LAMA1: variants seen among roughly 807,000 people sequenced by gnomAD.
LAMA1 encodes laminin subunit alpha-1.
In LAMA1, 219 loss-of-function variants were observed where a neutral mutation model predicts 348.7. That is an observed-to-expected ratio of 0.63 (90% confidence interval 0.56 to 0.70). LAMA1 has a LOEUF of 0.70. LAMA1 is among the 30% of genes least tolerant of loss of function. The pLI is 0.00. For synonymous variants in LAMA1, 1,487 were observed against 1,491.0 expected (o/e 1.00, Z 0.06); for missense variants, 3,744 against 3,888.0 (o/e 0.96, Z 0.99).
At chr18:6,989,613 G>A (rs2057749945) in intron 36 of LAMA1, among the ~76,000 whole-genome samples, 1 of 152,052 alleles carries the variant, frequency 6.6e-6, no homozygotes, top group African/African-American at 2.4e-5. Flanking sequence ...TAAAATAAAA[G>A]GTCTCTTTAG....
intron 36 of LAMA1, among the ~76,000 whole-genome samples, chr18:6,988,148 A>G (rs1006946404): frequency 6.6e-6 from 1 of 152,130 alleles, no homozygotes; most frequent in Non-Finnish European, 1.5e-5. Context: ...AACAGAGGCC[A>G]AATTTTCATC....
intron 12 of LAMA1, 151 bp downstream of exon 12, chr18:7,037,427 T>C: frequency 1.2e-6 from 1 of 829,092 alleles, no homozygotes; most frequent in South Asian, 1.5e-5. Context: ...AAAACCTTCT[T>C]TGTATCATCA....
chr18:7,008,605 G>C lies in LAMA1; in HGVS notation c.4005C>G (p.Ile1335Met). 1 of 1,613,958 alleles carries C rather than the reference G, an allele frequency of 6.2e-7. No individual in the cohort carries two copies. Among genetic ancestry groups the C allele is most frequent in the Non-Finnish European group, 8.5e-7 (1 of 1,179,956 alleles). ...TGCCAACCTCCATTGAAATGTCTGAGATTCTGTGCAGCCATCATGTTAAGA... is the reference window on the plus strand; with the variant it reads ...TGCCAACCTCCATTGAAATGTCTGACATTCTGTGCAGCCATCATGTTAAGA... ...SYGQGLQQSRISDISMEVGRK... is the reference protein window; with the variant it reads ...SYGQGLQQSRMSDISMEVGRK... The change falls in exon 28 of 63, where the codon ATC becomes ATG. Residue 1335 changes from isoleucine to methionine, a missense_variant. Physicochemically the swap from Ile to Met is conservative, Grantham distance 10 (BLOSUM62 1). Transcript: ENST00000389658.
chr18:7,080,494 T>C, intron 1 of LAMA1, 37 bp from the exon 2 acceptor site: 3 of 1,608,250 alleles, frequency 1.9e-6, no homozygotes, highest in Non-Finnish European at 2.5e-6. Context: ...CTGAGCCACT[T>C]GAAATCCAAA....
rs570048987 is a variant in LAMA1 at position 7,002,881 on chromosome 18, C to T, written c.4261-496G>A. On this transcript the variant is annotated intron_variant, in intron 29 of 62. Transcript: ENST00000389658. ...CAACTAACTTCCAGTTAATTTTTTT[C>T]TTTCTTTTTTTTTTTTAAGGACGAG... Among the ~76,000 whole-genome samples the T allele has an allele frequency of 2.2e-5, 3 of 135,092 alleles. No homozygotes were observed. In the South Asian group the frequency reaches 6.6e-4, roughly 30 times the overall value. 88.6% of individuals were successfully genotyped at this position (135,092 alleles called of 152,430 possible). A position where few individuals can be genotyped will look rare whatever the true frequency, so the allele number is the denominator to read the frequency against.
chr18:7,017,525 A>G, intron 19 of LAMA1, 141 bp from the exon 20 acceptor site: 1 of 719,094 alleles, frequency 1.4e-6, no homozygotes, highest in Non-Finnish European at 2.5e-6. Context: ...ATTGGCAATA[A>G]CTTTAGAAGT....
chr18:6,945,021 C>T (rs769623988), intron 61 of LAMA1, among the ~76,000 whole-genome samples: 2 of 152,050 alleles, frequency 1.3e-5, no homozygotes, highest in African/African-American at 4.8e-5. Context: ...GCAGCAATTA[C>T]ACTTCTGATT....
intron 16 of LAMA1, among the ~76,000 whole-genome samples, chr18:7,030,820 C>A (rs904979379): frequency 1.3e-5 from 2 of 151,988 alleles, no homozygotes; most frequent in Non-Finnish European, 2.9e-5. Flanking sequence ...AGAACCACAG[C>A]CTGCTGTACC....
At chr18:7,095,747 A>G (rs2058258426) in intron 1 of LAMA1, among the ~76,000 whole-genome samples, 1 of 152,244 alleles carries the variant, frequency 6.6e-6, no homozygotes, top group Non-Finnish European at 1.5e-5. Context: ...GGTTTGACTA[A>G]AGGTGAAAAT....
chr18:7,042,003 G>A, intron 9 of LAMA1, 142 bp downstream of exon 9: 1 of 684,312 alleles, frequency 1.5e-6, no homozygotes, highest in Non-Finnish European at 2.7e-6. Context: ...CTGACACATA[G>A]TAGGTGCTTG....
chr18:6,972,231 C>T (rs1207146731), intron 47 of LAMA1: 1 of 456,860 alleles, frequency 2.2e-6, no homozygotes, highest in Non-Finnish European at 4.0e-6. Flanking sequence ...TGGAGAGAAT[C>T]GTGTTGTACG....
rs376312439 is a variant in LAMA1 at position 7,099,886 on chromosome 18, G to A, written c.61+17774C>T. Reference sequence around the variant, plus strand: ...ATCCTGGCTAACACGGTGAAACCCCGTCTCTACTAAAAAATACAAAAAATT... The same window carrying A: ...ATCCTGGCTAACACGGTGAAACCCCATCTCTACTAAAAAATACAAAAAATT... On this transcript the variant is annotated intron_variant, in intron 1 of 62. Coordinates refer to ENST00000389658, the MANE Select transcript of LAMA1 (RefSeq NM_005559.4). Among the ~76,000 whole-genome samples the A allele has an allele frequency of 2.1e-4, 32 of 151,620 alleles. No individual in the cohort carries two copies. The East Asian group carries it at 4.1e-3, about 19-fold the overall frequency.
intron 3 of LAMA1, among the ~76,000 whole-genome samples, chr18:7,052,083 T>C (rs999180740): frequency 1.5e-4 from 23 of 152,168 alleles, no homozygotes; most frequent in African/African-American, 5.1e-4. Flanking sequence ...TGGAATATTA[T>C]GATAAAAAGA....
chr18:6,965,830 T>C (rs2057630696), intron 49 of LAMA1: 3 of 413,938 alleles, frequency 7.2e-6, no homozygotes, highest in Admixed American at 8.3e-5. Flanking sequence ...GTGGTCACAG[T>C]GAACCCAGAA....
intron 3 of LAMA1, among the ~76,000 whole-genome samples, chr18:7,066,262 A>C (rs964546317): frequency 6.6e-6 from 1 of 152,202 alleles, no homozygotes; most frequent in South Asian, 2.1e-4. Context: ...AAATCGACAC[A>C]TTTTTCAGAT....
intron 39 of LAMA1, among the ~76,000 whole-genome samples, chr18:6,984,185 C>T (rs2057724134): frequency 1.3e-5 from 2 of 152,148 alleles, no homozygotes; most frequent in East Asian, 3.8e-4. Context: ...TATTAGGAAG[C>T]AGTACTCAAT....
chr18:7,070,761 T>A (rs192379997), intron 3 of LAMA1, among the ~76,000 whole-genome samples: 4 of 152,336 alleles, frequency 2.6e-5, no homozygotes, highest in South Asian at 2.1e-4. Context: ...TTCCCTTTTT[T>A]ACAAAACAGA....
chr18:7,062,363 G>A (rs1444849447), intron 3 of LAMA1, among the ~76,000 whole-genome samples: 2 of 152,212 alleles, frequency 1.3e-5, no homozygotes, highest in African/African-American at 2.4e-5. Flanking sequence ...AGACACTGAG[G>A]GGAACTCTGA....
In LAMA1 at chr18:6,983,113, T is replaced by C. The variant is rs752551245; in HGVS notation, c.5782A>G (p.Thr1928Ala). The C allele has an allele frequency of 1.9e-6, 3 of 1,614,120 alleles. No individual in the cohort carries two copies. Among genetic ancestry groups the C allele is most frequent in the Non-Finnish European group, 1.7e-6 (2 of 1,180,022 alleles). Residue 1928 changes from threonine to alanine, a missense_variant, in exon 40 of 63, where the codon ACT becomes GCT. Thr to Ala is a moderately conservative substitution (Grantham distance 58). Transcript: ENST00000389658. ...TCGTTTCCTACCAGGCTCGTCTCAG[T>C]CACAGTCCTGTGAGCATCTCTGGCC... is the stretch of plus-strand genomic sequence containing the variant. ...ELARDAHRTV[T>A]ETSLLSESLV...
Sources: allele counts gnomAD v4.1 joint callset (sites outside exome capture counted in the v4.1 genomes callset), GRCh38; gene constraint gnomAD v4.1.1; transcripts MANE v1.5; gene names NCBI Gene and HGNC (gene_info 2026-07-23, HGNC 2026-07-21).